The following SYNRG variants were observed in gnomAD, a reference collection of about 807,000 sequenced individuals.
The protein encoded by SYNRG is synergin gamma, also known as AP1 gamma subunit binding protein 1.
A neutral mutation model predicts 130.9 loss-of-function variants in SYNRG; 37 were observed. The ratio of observed to expected loss-of-function variants is 0.28; its 90% confidence interval spans 0.22 to 0.37. SYNRG has a LOEUF of 0.37. SYNRG is among the 10% of genes least tolerant of loss of function. The pLI is 1.00. For synonymous variants in SYNRG, 539 were observed against 568.1 expected (o/e 0.95, Z 0.73); for missense variants, 1,338 against 1,588.9 (o/e 0.84, Z 2.68).
intron 6 of SYNRG, among the ~76,000 whole-genome samples, chr17:37,580,478 CGTGTGTGTGTGT>C (rs1341679385): frequency 6.6e-5 from 8 of 121,960 alleles, no homozygotes; most frequent in Admixed American, 8.3e-5. Context: ...CTTTGTATTT[CGTGTGTGTGTGT>C]GTGTGTGTGT....
rs2054631423 is a variant in SYNRG, at chr17:37,518,878, G to A, written c.*62C>T. The A allele has an allele frequency of 6.3e-7, 1 of 1,584,904 alleles. No homozygotes were observed. ...TGCAGTGCTCGCATTCTATTTATTG[G>A]TCCCTGTCACCCCGTGGGGTGTCAC... is the stretch of plus-strand genomic sequence containing the variant. On this transcript the variant is annotated 3_prime_UTR_variant, in exon 22 of 22. Coordinates refer to ENST00000612223, the MANE Select transcript of SYNRG (RefSeq NM_007247.6).
At position 37,570,780 on chromosome 17, in the gene SYNRG, G is replaced by C; in HGVS notation, c.1204C>G (p.Pro402Ala). Residue 402 changes from proline (P) to alanine (A), a missense_variant, in exon 10 of 22, where the codon CCA becomes GCA. Physicochemically the swap from Pro to Ala is conservative, Grantham distance 27 (BLOSUM62 -1). Around this residue, in one of 3 missense-constraint regions of SYNRG, gnomAD observed 1,146 missense variants for 1,342.3 expected, o/e 0.85. Transcript: ENST00000612223. Reference protein sequence around the residue: ...SMTLPTPVSQPTVIPSGPAGS... With the variant: ...SMTLPTPVSQATVIPSGPAGS... ...GCAGGACCTGAAGGTATCACAGTTG[G>C]CTGACTCACCGGTGTAGGCAGAGTC... 5 of 1,614,216 alleles carry C rather than the reference G, an allele frequency of 3.1e-6. No individual in the cohort carries two copies. Among genetic ancestry groups the C allele is most frequent in the African/African-American group, 1.3e-5 (1 of 75,044 alleles).
Position 37,608,796 on chromosome 17 carries a change from A to G in SYNRG, c.77+483T>C, listed in dbSNP as rs73984270. On this transcript the variant is annotated intron_variant, in intron 1 of 21. Coordinates refer to ENST00000612223, the MANE Select transcript of SYNRG (RefSeq NM_007247.6). ...GAAATAAAGAGGACAGGACACTCTA[A>G]AAGGGGAAGAGACAAATAGTCCACA... 5.4e-3 allele frequency among the ~76,000 whole-genome samples: 817 copies of G among 152,268 alleles called. 12 individuals are homozygous for G. Among genetic ancestry groups the G allele is most frequent in the African/African-American group, 0.019 (792 of 41,552 alleles).
At chr17:37,526,648 C>T (rs935705129) in intron 19 of SYNRG, among the ~76,000 whole-genome samples, 7 of 152,150 alleles carry the variant, frequency 4.6e-5, no homozygotes, top group African/African-American at 1.4e-4. Context: ...CTTCTAGGGA[C>T]GACCTCTACA....
chr17:37,602,269 G>A (rs1345745774), intron 1 of SYNRG, among the ~76,000 whole-genome samples: 3 of 151,858 alleles, frequency 2.0e-5, no homozygotes, highest in East Asian at 3.9e-4. Context: ...CCCAGGAGGC[G>A]GAGGTTGCAG....
intron 14 of SYNRG, among the ~76,000 whole-genome samples, chr17:37,551,875 C>CAAAAAAAAA (rs11401626): frequency 1.2e-5 from 1 of 86,064 alleles, no homozygotes; most frequent in Non-Finnish European, 2.9e-5. Context: ...AGGAAAAGTA[C>CAAAAAAAAA]AAAAAAAAAA....
intron 8 of SYNRG, among the ~76,000 whole-genome samples, chr17:37,574,934 TG>T (rs2060695611): frequency 6.6e-6 from 1 of 152,136 alleles, no homozygotes; most frequent in African/African-American, 2.4e-5. Context: ...AAAGAAAATG[TG>T]GTACATATAC....
chr17:37,530,102 A>C (rs1389201754), intron 19 of SYNRG, among the ~76,000 whole-genome samples: 2 of 152,130 alleles, frequency 1.3e-5, no homozygotes, highest in Non-Finnish European at 2.9e-5. Flanking sequence ...ATTAACCTTG[A>C]TGCCAAAATC....
In SYNRG at chr17:37,577,604, AAGG is replaced by A. The variant is rs2060940162; in HGVS notation, c.596_598del (p.Ser199del). On this transcript the variant is annotated inframe_deletion, in exon 7 of 22. Transcript: ENST00000612223. Reference sequence around the variant, plus strand: ...ACAAGATACTAGGAACTTCTCCTCCAAGGAAGGGCCTAAACAAAGAGCATGAAG... The same window carrying A: ...ACAAGATACTAGGAACTTCTCCTCCAAAGGGCCTAAACAAAGAGCATGAAG... The A allele has an allele frequency of 1.2e-6, 2 of 1,613,444 alleles. No individual in the cohort carries two copies. The highest frequency in any genetic ancestry group is 2.2e-5 in the South Asian group (2 of 91,074).
chr17:37,540,898 C>T (rs372087385), intron 15 of SYNRG: 106 of 1,010,492 alleles, frequency 1.0e-4, no homozygotes, highest in South Asian at 1.3e-4. Context: ...CCTCCCAAAG[C>T]GTTGAGATTA....
intron 19 of SYNRG, among the ~76,000 whole-genome samples, chr17:37,526,189 T>G (rs1355945472): frequency 6.6e-6 from 1 of 152,056 alleles, no homozygotes; most frequent in Non-Finnish European, 1.5e-5. Context: ...AATGTGCTAT[T>G]TCTCATGTTT....
intron 14 of SYNRG, among the ~76,000 whole-genome samples, chr17:37,549,742 C>G (rs2058572229): frequency 6.6e-6 from 1 of 152,150 alleles, no homozygotes; most frequent in Admixed American, 6.5e-5. Context: ...AGGAGCCCAC[C>G]ACCGTGCCCG....
In SYNRG at chr17:37,570,685, A is replaced by T; in HGVS notation, c.1299T>A (p.Ala433=). The T allele has an allele frequency of 6.2e-7, 1 of 1,614,190 alleles. No homozygotes were observed. Among genetic ancestry groups the T allele is most frequent in the Non-Finnish European group, 8.5e-7 (1 of 1,180,014 alleles). ...GINLVGPVGG[A]AAQASSGFIP... ...TGAAACCACTAGAAGCCTGGGCTGCAGCTCCACCCACTGGTCCAACAAGGT... is the reference window on the plus strand; with the variant it reads ...TGAAACCACTAGAAGCCTGGGCTGCTGCTCCACCCACTGGTCCAACAAGGT... The change falls in exon 10 of 22, where the codon GCT becomes GCA. Residue 433 remains alanine, a synonymous_variant. Transcript: ENST00000612223.
At chr17:37,541,602 T>A (rs191316155) in intron 15 of SYNRG, 153 of 228,666 alleles carry the variant, frequency 6.7e-4, no homozygotes, top group African/African-American at 2.8e-3. Context: ...CGGCCCCCAC[T>A]TTGCAACCTT....
intron 3 of SYNRG, among the ~76,000 whole-genome samples, chr17:37,595,090 C>T (rs1164808935): frequency 6.6e-6 from 1 of 152,176 alleles, no homozygotes; most frequent in African/African-American, 2.4e-5. Context: ...GCAGCACACC[C>T]TAGTGAAAGC....
chr17:37,516,401 A>C lies in SYNRG; in HGVS notation c.*2539T>G, dbSNP rs2054428864. ...AGGTAGTGAATACTTTTCATAGCAAAGGCTTTTTTTCTGTTGACATCTGCT... is the reference window on the plus strand; with the variant it reads ...AGGTAGTGAATACTTTTCATAGCAACGGCTTTTTTTCTGTTGACATCTGCT... On this transcript the variant is annotated 3_prime_UTR_variant, in exon 22 of 22. Coordinates refer to ENST00000612223, the MANE Select transcript of SYNRG (RefSeq NM_007247.6). 6.6e-6 allele frequency: 1 copy of C among 152,202 alleles called. No homozygotes were observed. Among genetic ancestry groups the C allele is most frequent in the South Asian group, 2.1e-4 (1 of 4,834 alleles). 9.4% of individuals were successfully genotyped at this position (152,202 alleles called of 1,614,324 possible). A position where few individuals can be genotyped will look rare whatever the true frequency, so the allele number is the denominator to read the frequency against.
chr17:37,538,589 C>CTTTTG (rs973991480), intron 17 of SYNRG, among the ~76,000 whole-genome samples, 169 bp from the exon 18 acceptor site: 11 of 152,040 alleles, frequency 7.2e-5, no homozygotes, highest in African/African-American at 2.4e-4. Context: ...TGTTTTTTTC[C>CTTTTG]TTTTGTTTTG....
At chr17:37,538,904 C>T in intron 17 of SYNRG, 1 of 570,858 alleles carries the variant, frequency 1.8e-6, no homozygotes, top group Non-Finnish European at 2.2e-6. Flanking sequence ...AAGACAGGTT[C>T]TTTAGCTTAA....
Position 37,596,284 on chromosome 17 carries a change from A to G in SYNRG, c.179T>C (p.Met60Thr), listed in dbSNP as rs1277430596. 1 of 1,614,186 alleles carries G rather than the reference A, an allele frequency of 6.2e-7. No individual in the cohort carries two copies. Among genetic ancestry groups the G allele is most frequent in the Non-Finnish European group, 8.5e-7 (1 of 1,179,990 alleles). ...FPMVSVMQPN[M>T]QGIMGMNYSS... is the part of the protein sequence containing the mutation. ...GTAATTCATTCCCATAATGCCTTGC[A>G]TATTAGGCTGCATGACAGAGACCAT... Residue 60 changes from methionine (M) to threonine (T), a missense_variant, in exon 3 of 22, where the codon ATG (methionine) becomes ACG (threonine). Transcript: ENST00000612223.
Sources: gnomAD v4.1 joint callset for allele counts (sites outside exome capture counted in the v4.1 genomes callset) on GRCh38, gnomAD v4.1.1 for gene constraint, gnomAD v4.1.1 regional missense constraint, MANE v1.5 for transcripts, NCBI Gene and HGNC (gene_info 2026-07-23, HGNC 2026-07-21) for gene names.